Variants in B3GALT5 observed in about 807,000 individuals in gnomAD.
B3GALT5 encodes the protein UDP-Gal:betaGlcNAc beta 1,3-galactosyltransferase, polypeptide 5.
For missense variants in B3GALT5, 328 were observed against 396.6 expected (o/e 0.83, Z 1.47); for synonymous variants, 156 against 158.6 (o/e 0.98, Z 0.12).
At position 39,671,002 on chromosome 21, in the gene B3GALT5, G is replaced by C. The variant is rs1311959639; in HGVS notation, c.*9510G>C. On this transcript the variant is annotated 3_prime_UTR_variant, in exon 4 of 4. Transcript: ENST00000684187. ...TCTGGCTCATGGTTCTAGAGGCTAG[G>C]AAGTCCAAGAGCTTGGCACTGGCCT... 2.6e-5 allele frequency: 4 copies of C among 152,272 alleles called. No individual in the cohort carries two copies. Among genetic ancestry groups the C allele is most frequent in the Non-Finnish European group, 5.9e-5 (4 of 68,066 alleles). 9.4% of individuals were successfully genotyped at this position (152,272 alleles called of 1,614,324 possible). A position where few individuals can be genotyped will look rare whatever the true frequency, so the allele number is the denominator to read the frequency against.
At chr21:39,648,607 C>A (rs1325377943) in intron 2 of B3GALT5, among the ~76,000 whole-genome samples, 1 of 152,202 alleles carries the variant, frequency 6.6e-6, no homozygotes, top group Admixed American at 6.5e-5. Context: ...TGAGGGAAAT[C>A]TGAGGAGACC....
chr21:39,616,191 A>G (rs1164230127), intron 1 of B3GALT5, among the ~76,000 whole-genome samples: 12 of 152,102 alleles, frequency 7.9e-5, no homozygotes, highest in African/African-American at 1.2e-4. Flanking sequence ...CTGAAAATGA[A>G]AGAGCTCTGA....
chr21:39,639,404 CTTTCTTTCTTTCTTTCTT>C (rs2079266338), intron 1 of B3GALT5, among the ~76,000 whole-genome samples: 39 of 67,928 alleles, frequency 5.7e-4, no homozygotes, highest in African/African-American at 1.8e-3. Context: ...CTTTCTTTTT[CTTTCTTTCTTTCTTTCTT>C]TCTTTCTTTC....
chr21:39,661,116 T>C lies in B3GALT5; in HGVS notation c.557T>C (p.Leu186Pro). 1 of 1,614,130 alleles carries C rather than the reference T, an allele frequency of 6.2e-7. No homozygotes were observed. The change falls in exon 4 of 4, where the codon CTC becomes CCC. Residue 186 changes from leucine (L) to proline (P), a missense_variant. Coordinates refer to ENST00000684187, the MANE Select transcript of B3GALT5 (RefSeq NM_001356336.2). The surrounding 1 kb of genome is among the most constrained non-coding windows in gnomAD (Gnocchi z 4.7). ...AGGTTTTTCACTGGCTTCTTGAAAC[T>C]CAATGAGTTTCCCATCAGGCAGCCA... ...TTRFFTGFLK[L>P]NEFPIRQPFS...
chr21:39,613,689 T>C (rs746169838), intron 1 of B3GALT5, among the ~76,000 whole-genome samples: 7 of 152,234 alleles, frequency 4.6e-5, no homozygotes, highest in South Asian at 2.1e-4. Flanking sequence ...CGTGTGTGTG[T>C]GCGCGCGTAT....
chr21:39,639,371 C>CTTCTTTCT (rs2079262155), intron 1 of B3GALT5, among the ~76,000 whole-genome samples: 1 of 124,740 alleles, frequency 8.0e-6, no homozygotes, highest in African/African-American at 3.1e-5. Flanking sequence ...TCCTTCCTTC[C>CTTCTTTCT]TTCCTTCCTT....
intron 1 of B3GALT5, among the ~76,000 whole-genome samples, chr21:39,620,500 T>C (rs1000337364): frequency 6.6e-6 from 1 of 152,212 alleles, no homozygotes; most frequent in Admixed American, 6.5e-5. Flanking sequence ...ATATTTTGGT[T>C]ATTTGTGTCT....
chr21:39,638,553 C>T (rs1488252561), intron 1 of B3GALT5, among the ~76,000 whole-genome samples: 1 of 152,216 alleles, frequency 6.6e-6, no homozygotes, highest in Non-Finnish European at 1.5e-5. Context: ...ACCTTGCACT[C>T]ATTCTCCAAG....
chr21:39,634,937 G>A (rs769992341), intron 1 of B3GALT5, among the ~76,000 whole-genome samples: 2 of 152,156 alleles, frequency 1.3e-5, no homozygotes, highest in Admixed American at 1.3e-4. Context: ...CCCTAGAGAG[G>A]AAAACAGCAG....
chr21:39,640,091 C>T (rs936480963), intron 1 of B3GALT5, among the ~76,000 whole-genome samples: 5 of 152,066 alleles, frequency 3.3e-5, no homozygotes, highest in Admixed American at 1.3e-4. Context: ...GGCTTTAAAA[C>T]GGTGTTATTC....
At chr21:39,623,957 C>T (rs1051955702) in intron 1 of B3GALT5, among the ~76,000 whole-genome samples, 1 of 152,202 alleles carries the variant, frequency 6.6e-6, no homozygotes, top group Non-Finnish European at 1.5e-5. Context: ...TGCTACATCT[C>T]CTTTGTCTGT....
chr21:39,626,830 A>G (rs979698777), intron 1 of B3GALT5, among the ~76,000 whole-genome samples: 3 of 152,156 alleles, frequency 2.0e-5, no homozygotes, highest in South Asian at 2.1e-4. Flanking sequence ...CTTAACAGAT[A>G]TGATGCTCTC....
At chr21:39,638,234 C>T (rs1470608496) in intron 1 of B3GALT5, among the ~76,000 whole-genome samples, 1 of 152,150 alleles carries the variant, frequency 6.6e-6, no homozygotes, top group East Asian at 1.9e-4. Context: ...CCCAAGACCA[C>T]CCTGGCCTGC....
At chr21:39,657,348 G>A (rs2079454888) in intron 2 of B3GALT5, 1 of 152,224 alleles carries the variant, frequency 6.6e-6, no homozygotes, top group South Asian at 2.1e-4. Flanking sequence ...GAACAAGAAG[G>A]CAGAAGAAAT....
At chr21:39,619,964 T>G (rs907257803) in intron 1 of B3GALT5, among the ~76,000 whole-genome samples, 2 of 151,918 alleles carry the variant, frequency 1.3e-5, no homozygotes, top group Non-Finnish European at 2.9e-5. Flanking sequence ...TGTGCCACCA[T>G]GTGTGGCCAA....
At chr21:39,633,948 T>A (rs2079208736) in intron 1 of B3GALT5, among the ~76,000 whole-genome samples, 1 of 152,126 alleles carries the variant, frequency 6.6e-6, no homozygotes, top group Non-Finnish European at 1.5e-5. Context: ...AAGCATTGGG[T>A]GTTGGCGTCT....
At chr21:39,643,670 G>A (rs963120380) in intron 1 of B3GALT5, among the ~76,000 whole-genome samples, 5 of 152,182 alleles carry the variant, frequency 3.3e-5, no homozygotes, top group African/African-American at 1.2e-4. Flanking sequence ...CCCAAGTTTT[G>A]AAGCATGCCA....
Position 39,661,423 on chromosome 21 carries a change from G to C in B3GALT5, c.864G>C (p.Lys288Asn), listed in dbSNP as rs2079522402. The change falls in exon 4 of 4, where the codon AAG becomes AAC. Residue 288 changes from lysine to asparagine, a missense_variant. Physicochemically the swap from Lys to Asn is moderately conservative, Grantham distance 94. Transcript: ENST00000684187. This position sits in a 1 kb window ranked among gnomAD's most constrained non-coding sequence, Gnocchi z 4.7. ...FRRIVACHFI[K>N]PRTLLDYWQA... The stretch of plus-strand genomic sequence containing the variant: ...GGATCGTGGCCTGCCACTTCATCAA[G>C]CCTCGGACTCTCTTGGACTACTGGC... The C allele has an allele frequency of 1.3e-6, 2 of 1,552,878 alleles. No homozygotes were observed. The highest frequency in any genetic ancestry group is 3.9e-5 in the Admixed American group (2 of 51,814).
chr21:39,642,380 A>G (rs2079296862), intron 1 of B3GALT5, among the ~76,000 whole-genome samples: 1 of 152,216 alleles, frequency 6.6e-6, no homozygotes, highest in Non-Finnish European at 1.5e-5. Context: ...AACCGAGAGG[A>G]TGGGACATTT....
Sources: allele counts gnomAD v4.1 joint callset (sites outside exome capture counted in the v4.1 genomes callset), GRCh38; gene constraint gnomAD v4.1.1; non-coding constraint Gnocchi (gnomAD v3.1); transcripts MANE v1.5; gene names NCBI Gene and HGNC (gene_info 2026-07-23, HGNC 2026-07-21).